SPTBN5: variants seen among roughly 807,000 people sequenced by gnomAD.
SPTBN5 encodes spectrin beta, non-erythrocytic 5, also known as spectrin beta chain, non-erythrocytic 5.
A neutral mutation model predicts 477.6 loss-of-function variants in SPTBN5; 513 were observed. That is an observed-to-expected ratio of 1.07 (90% CI 1.00 to 1.16). The LOEUF (loss-of-function observed/expected upper bound fraction) is 1.16. Among genes scored for constraint, SPTBN5 ranks in the 50% most tolerant of loss-of-function variants. The probability of loss-of-function intolerance (pLI) is 0.00; values close to 1 mark genes in which losing one functional copy is unlikely to be tolerated. For missense variants in SPTBN5, 5,062 were observed against 4,731.8 expected (o/e 1.07, Z -2.05); for synonymous variants, 2,169 against 2,011.7 (o/e 1.08, Z -2.09).
chr15:41,877,229 T>C lies in SPTBN5; in HGVS notation c.3598A>G (p.Arg1200Gly), dbSNP rs773802808. ...GQELKVLWEQ[R>G]QQWLQEGLEL... ...AGCCCCTCTTGCAGCCACTGCTGCC[T>C]CTGCTCCCACAAAACCTTCAGCTCC... Residue 1200 changes from arginine to glycine, a missense_variant, in exon 18 of 68, where the codon AGG becomes GGG. Coordinates refer to ENST00000320955, the MANE Select transcript of SPTBN5 (RefSeq NM_016642.4). 11 of 1,613,862 alleles carry C rather than the reference T, an allele frequency of 6.8e-6. No individual in the cohort carries two copies. In the African/African-American group the frequency reaches 9.3e-5, roughly 14 times the overall value.
intron 22 of SPTBN5, 95 bp downstream of exon 22, chr15:41,875,363 G>A (rs901456932): frequency 7.8e-6 from 11 of 1,417,760 alleles, no homozygotes; most frequent in African/African-American, 1.4e-5. Flanking sequence ...GCAGAGCCAG[G>A]GTCAGCAGAA....
chr15:41,855,712 C>T lies in SPTBN5; in HGVS notation c.9055G>A (p.Gly3019Ser). 1 of 1,592,244 alleles carries T rather than the reference C, an allele frequency of 6.3e-7. No homozygotes were observed. Among genetic ancestry groups the T allele is most frequent in the South Asian group, 1.1e-5 (1 of 89,192 alleles). ...LEAGSWLAER[G>S]HVLDSEDMGH... ...ATGTCCTCGCTGTCCAGGACATGGC[C>T]CCGCTCAGCCAGCCAGGATCCCGCC... Residue 3019 changes from glycine to serine, a missense_variant, in exon 54 of 68, where the codon GGC becomes AGC. Transcript: ENST00000320955.
intron 43 of SPTBN5, 52 bp from the exon 44 acceptor site, chr15:41,862,344 C>T (rs1170693594): frequency 6.5e-7 from 1 of 1,549,904 alleles, no homozygotes; most frequent in African/African-American, 1.4e-5. Flanking sequence ...CCCTCTCCCC[C>T]ATGCCCACTG....
At chr15:41,856,335 C>T (rs1269107525) in intron 53 of SPTBN5, 51 bp downstream of exon 53, 5 of 1,461,928 alleles carry the variant, frequency 3.4e-6, no homozygotes, top group African/African-American at 1.4e-5. Flanking sequence ...CAGCCGCACT[C>T]GCCCTGTGTT....
Position 41,866,193 on chromosome 15 carries a change from C to A in SPTBN5, c.6667G>T (p.Ala2223Ser), listed in dbSNP as rs1320452420. Residue 2223 changes from alanine (A) to serine (S), a missense_variant, in exon 38 of 68, where the codon GCC becomes TCC. Transcript: ENST00000320955. ...EALLAQSHPRAGEVSQRLQGL... is the reference protein window; with the variant it reads ...EALLAQSHPRSGEVSQRLQGL... Reference sequence around the variant, plus strand: ...TGCAGCCGCTGGGAGACCTCTCCGGCTCGAGGGTGACTCTGTGCCAGGAGA... The same window carrying A: ...TGCAGCCGCTGGGAGACCTCTCCGGATCGAGGGTGACTCTGTGCCAGGAGA... The A allele has an allele frequency of 6.3e-7, 1 of 1,582,026 alleles. No individual in the cohort carries two copies. The highest frequency in any genetic ancestry group is 2.3e-5 in the East Asian group (1 of 43,608).
At position 41,877,152 on chromosome 15, in the gene SPTBN5, G is replaced by A. The variant is rs753724450; in HGVS notation, c.3675C>T (p.Ala1225=). ...REVDGFTATC[A]NHQAWLHLDN... ...CCAGGTGCAGCCAGGCCTGGTGGTT[G>A]GCACAGGTGGCAGTGAAACCATCCA... Residue 1225 remains alanine (A), a synonymous_variant, in exon 18 of 68, where the codon GCC becomes GCT. Coordinates refer to ENST00000320955, the MANE Select transcript of SPTBN5 (RefSeq NM_016642.4). The A allele has an allele frequency of 1.2e-6, 2 of 1,613,928 alleles. No homozygotes were observed. The highest frequency in any genetic ancestry group is 1.7e-6 in the Non-Finnish European group (2 of 1,179,866).
intron 39 of SPTBN5, among the ~76,000 whole-genome samples, chr15:41,864,705 G>A (rs866482504): frequency 1.3e-5 from 2 of 152,228 alleles, no homozygotes; most frequent in African/African-American, 4.8e-5. Flanking sequence ...GCTTCCTGGG[G>A]TTTGGGTGTC....
intron 47 of SPTBN5, 72 bp downstream of exon 47, chr15:41,860,509 TGGGAA>T: frequency 2.3e-6 from 3 of 1,310,078 alleles, no homozygotes; most frequent in Non-Finnish European, 2.9e-6. Flanking sequence ...AGTGGAAGGG[TGGGAA>T]GGGAAGAACC....
chr15:41,853,805 G>C lies in SPTBN5; in HGVS notation c.9775-18C>G, dbSNP rs2065852227. 6.5e-7 allele frequency: 1 copy of C among 1,541,030 alleles called. No individual in the cohort carries two copies. The highest frequency in any genetic ancestry group is 8.8e-7 in the Non-Finnish European group (1 of 1,140,424). On this transcript the variant is annotated intron_variant, in intron 57 of 67. Transcript: ENST00000320955. ...AGCTCTCTCTGCAACCAGAGCATGA[G>C]ATCAGGCCTCAGTCCCCCCACTGAG...
At chr15:41,887,878 G>A (rs770707289) in intron 5 of SPTBN5, 50 bp downstream of exon 5, 58 of 1,565,510 alleles carry the variant, frequency 3.7e-5, no homozygotes, top group Non-Finnish European at 4.9e-5. Context: ...CCAAACCCAG[G>A]AGCTGTTGGC....
At position 41,883,446 on chromosome 15, in the gene SPTBN5, G is replaced by GCTT. The variant is rs1279043389; in HGVS notation, c.1560_1561insAAG (p.Gln520_His521insLys). 5.0e-6 allele frequency: 8 copies of GCTT among 1,613,850 alleles called. No homozygotes were observed. The highest frequency in any genetic ancestry group is 5.1e-6 in the Non-Finnish European group (6 of 1,179,898). On this transcript the variant is annotated inframe_insertion, in exon 8 of 68. Coordinates refer to ENST00000320955, the MANE Select transcript of SPTBN5 (RefSeq NM_016642.4). ...ACCTGCTTCCTCTGTCCCTGTAGAT[G>GCTT]CTGAAGGAGCCTCTGCCAGCGCACG... is the stretch of plus-strand genomic sequence containing the variant.
In SPTBN5 at chr15:41,855,434, G is replaced by A; in HGVS notation, c.9219-6C>T. The A allele has an allele frequency of 6.2e-7, 1 of 1,601,088 alleles. No individual in the cohort carries two copies. Among genetic ancestry groups the A allele is most frequent in the Non-Finnish European group, 8.5e-7 (1 of 1,174,694 alleles). On this transcript the variant is annotated splice_region_variant and splice_polypyrimidine_tract_variant and intron_variant, in intron 54 of 67. Transcript: ENST00000320955. ...GCTGGGCTAGCACCTTGGGGCTGTG[G>A]GAAGAGAGCGACAGTCTGGACTGCA... is the stretch of plus-strand genomic sequence containing the variant.
rs751569810 is a variant in SPTBN5 at position 41,864,037 on chromosome 15, T to C, written c.6919-13A>G. Reference sequence around the variant, plus strand: ...CACCCACTGTGTCCTGCAGGGGAGGTATGGGTGAGGGCATTGGCACCCCCC... The same window carrying C: ...CACCCACTGTGTCCTGCAGGGGAGGCATGGGTGAGGGCATTGGCACCCCCC... On this transcript the variant is annotated splice_polypyrimidine_tract_variant and intron_variant, in intron 39 of 67. Transcript: ENST00000320955. 3 of 1,605,490 alleles carry C rather than the reference T, an allele frequency of 1.9e-6. No individual in the cohort carries two copies. The highest frequency in any genetic ancestry group is 2.6e-6 in the Non-Finnish European group (3 of 1,175,000).
At position 41,851,846 on chromosome 15, in the gene SPTBN5, G is replaced by A. The variant is rs189233312; in HGVS notation, c.10589C>T (p.Ala3530Val). The A allele has an allele frequency of 7.1e-5, 114 of 1,609,366 alleles. 1 individual carries two copies. The highest frequency in any genetic ancestry group is 1.0e-4 in the Admixed American group (6 of 59,716). The change falls in exon 63 of 68, where the codon GCA becomes GTA. Residue 3530 changes from alanine to valine, a missense_variant. Physicochemically the swap from Ala to Val is moderately conservative, Grantham distance 64. Transcript: ENST00000320955. Reference sequence around the variant, plus strand: ...CCCCTCCATGGTGGGGGTACCCTTTGCATCCTGAAAATGCAAGATGGGGCC... The same window carrying A: ...CCCCTCCATGGTGGGGGTACCCTTTACATCCTGAAAATGCAAGATGGGGCC... Reference protein sequence around the residue: ...QLAETRDPQDAKGTPTMEGSL... With the variant: ...QLAETRDPQDVKGTPTMEGSL...
Position 41,855,397 on chromosome 15 carries a change from G to C in SPTBN5, c.9250C>G (p.Arg3084Gly), listed in dbSNP as rs559715695. 1 of 1,604,200 alleles carries C rather than the reference G, an allele frequency of 6.2e-7. No homozygotes were observed. The highest frequency in any genetic ancestry group is 8.5e-7 in the Non-Finnish European group (1 of 1,178,906). Reference protein sequence around the residue: ...PKVLAQLQAVREAHAELLRRA... With the variant: ...PKVLAQLQAVGEAHAELLRRA... ...CGCAGCAGCTCTGCGTGGGCCTCCC[G>C]AACTGCCTGCAGCTGGGCTAGCACC... The change falls in exon 55 of 68, where the codon CGG becomes GGG. Residue 3084 changes from arginine (R) to glycine (G), a missense_variant. Transcript: ENST00000320955.
At position 41,851,770 on chromosome 15, in the gene SPTBN5, G is replaced by C. The variant is rs1383674282; in HGVS notation, c.10656+9C>G. On this transcript the variant is annotated intron_variant, in intron 63 of 67. Coordinates refer to ENST00000320955, the MANE Select transcript of SPTBN5 (RefSeq NM_016642.4). ...GAGCTGCCTGGAGAAGGAATCTCCA[G>C]GCACTCACCTGCCTCCCGCCAGGCA... 2 of 1,605,492 alleles carry C rather than the reference G, an allele frequency of 1.2e-6. No individual in the cohort carries two copies. The highest frequency in any genetic ancestry group is 1.1e-5 in the South Asian group (1 of 90,756).
At position 41,871,912 on chromosome 15, in the gene SPTBN5, C is replaced by A; in HGVS notation, c.5171G>T (p.Arg1724Leu). 3.8e-6 allele frequency: 6 copies of A among 1,575,544 alleles called. No homozygotes were observed. The highest frequency in any genetic ancestry group is 4.7e-5 in the East Asian group (2 of 42,770). ...CAGCCTCAGGGTCCCCTCCAGTTCCCGGTCCCTGTGGTAACAGTCCGTGGT... is the reference window on the plus strand; with the variant it reads ...CAGCCTCAGGGTCCCCTCCAGTTCCAGGTCCCTGTGGTAACAGTCCGTGGT... ...ALQELAATRD[R>L]ELEGTLRLHE... The change falls in exon 28 of 68, where the codon CGG becomes CTG. Residue 1724 changes from arginine to leucine, a missense_variant. Physicochemically the swap from Arg to Leu is moderately radical, Grantham distance 102. Transcript: ENST00000320955.
At chr15:41,874,788 C>A (rs533058842) in intron 23 of SPTBN5, 54 bp downstream of exon 23, 2 of 1,543,988 alleles carry the variant, frequency 1.3e-6, no homozygotes, top group African/African-American at 1.4e-5. Context: ...TCTTGTGGGA[C>A]CTTAAATTCA....
At chr15:41,876,315 G>A in intron 20 of SPTBN5, 31 bp from the exon 21 acceptor site, 1 of 1,515,682 alleles carries the variant, frequency 6.6e-7, no homozygotes, top group South Asian at 1.2e-5. Flanking sequence ...GTGGGTCTCA[G>A]AGCACGGTGG....
Sources: allele counts gnomAD v4.1 joint callset (sites outside exome capture counted in the v4.1 genomes callset), GRCh38; gene constraint gnomAD v4.1.1; transcripts MANE v1.5; gene names NCBI Gene and HGNC (gene_info 2026-07-23, HGNC 2026-07-21).